The following WWOX variants were observed in gnomAD, a reference collection of about 807,000 sequenced individuals.
WWOX encodes the protein WW domain-containing oxidoreductase.
Under a neutral mutation model 46.2 loss-of-function variants are expected in WWOX, and 69 were observed. That is an observed-to-expected ratio of 1.49 (90% CI 1.23 to 1.82). The LOEUF is 1.82. Among genes scored for constraint, WWOX ranks in the 40% most tolerant of loss-of-function variants. WWOX has a pLI of 0.00. For missense variants in WWOX, 919 were observed against 542.6 expected, an observed-to-expected ratio of 1.69 and a Z score of -6.89; for synonymous variants, 359 against 202.6, an observed-to-expected ratio of 1.77 and a Z score of -6.56.
At chr16:78,739,237 G>A (rs1266882235) in intron 8 of WWOX, among the ~76,000 whole-genome samples, 4 of 152,140 alleles carry the variant, frequency 2.6e-5, no homozygotes, top group Non-Finnish European at 5.9e-5. Flanking sequence ...GTGTGATCCT[G>A]GAGGCCATGT....
chr16:78,364,046 C>T (rs376117714), intron 5 of WWOX, among the ~76,000 whole-genome samples: 15 of 152,252 alleles, frequency 9.9e-5, no homozygotes, highest in Middle Eastern at 3.4e-3. Context: ...GTGCCACATC[C>T]CCCCACTCAG....
At chr16:78,511,363 A>G (rs1383963727) in intron 8 of WWOX, among the ~76,000 whole-genome samples, 1 of 152,168 alleles carries the variant, frequency 6.6e-6, no homozygotes, top group Admixed American at 6.5e-5. Context: ...ATATTTTGAG[A>G]ACTCTGAAAT....
intron 5 of WWOX, among the ~76,000 whole-genome samples, chr16:78,178,958 T>C (rs983801212): frequency 2.0e-5 from 3 of 152,062 alleles, no homozygotes; most frequent in Non-Finnish European, 4.4e-5. Context: ...CGAGAGCTGG[T>C]CAAATGTTTA....
At chr16:78,786,012 T>A (rs2050447199) in intron 8 of WWOX, among the ~76,000 whole-genome samples, 1 of 152,332 alleles carries the variant, frequency 6.6e-6, no homozygotes, top group Middle Eastern at 3.4e-3. Context: ...GTTCAAGCGA[T>A]TCTCATGGCT....
At chr16:79,200,131 C>T (rs573675101) in intron 8 of WWOX, among the ~76,000 whole-genome samples, 12 of 152,278 alleles carry the variant, frequency 7.9e-5, no homozygotes, top group African/African-American at 2.9e-4. Context: ...GCAGGGGAGG[C>T]ACCATAGACC....
At chr16:78,200,859 C>G (rs559545150) in intron 5 of WWOX, among the ~76,000 whole-genome samples, 28 of 152,260 alleles carry the variant, frequency 1.8e-4, no homozygotes, top group Middle Eastern at 3.4e-3. Flanking sequence ...CTCCCAAATT[C>G]TATTCATGCA....
chr16:78,451,199 C>T (rs533466910), intron 8 of WWOX, among the ~76,000 whole-genome samples: 59 of 152,264 alleles, frequency 3.9e-4, no homozygotes, highest in African/African-American at 1.3e-3. Context: ...ATTAAACTCA[C>T]CTTTGGCAAG....
chr16:78,857,129 G>A (rs973154976), intron 8 of WWOX, among the ~76,000 whole-genome samples: 1 of 152,218 alleles, frequency 6.6e-6, no homozygotes, highest in Non-Finnish European at 1.5e-5. Flanking sequence ...GTGTGTGATA[G>A]TGCTTAAATA....
chr16:78,234,123 T>A (rs1479309539), intron 5 of WWOX, among the ~76,000 whole-genome samples: 44 of 151,684 alleles, frequency 2.9e-4, no homozygotes, highest in African/African-American at 8.7e-4. Context: ...TCATATTCTT[T>A]TTTTTTTTTG....
At position 79,186,881 on chromosome 16, in the gene WWOX, T is replaced by G. The variant is rs186255748; in HGVS notation, c.1057-24727T>G. Reference sequence around the variant, plus strand: ...TCCCCCAGCCAGTTTTTCAACATATTGGTTTTTCACCACATGCTCACTGCA... The same window carrying G: ...TCCCCCAGCCAGTTTTTCAACATATGGGTTTTTCACCACATGCTCACTGCA... On this transcript the variant is annotated intron_variant, in intron 8 of 8. Transcript: ENST00000566780. Among the ~76,000 whole-genome samples, 8 of 152,288 alleles carry G rather than the reference T, an allele frequency of 5.3e-5. No individual in the cohort carries two copies. In the East Asian group the frequency reaches 1.5e-3, roughly 29 times the overall value.
At chr16:79,208,136 G>C (rs188444680) in intron 8 of WWOX, among the ~76,000 whole-genome samples, 2 of 152,146 alleles carry the variant, frequency 1.3e-5, no homozygotes, top group African/African-American at 4.8e-5. Flanking sequence ...AGAGTCCTGG[G>C]TAATTTTACA....
intron 8 of WWOX, among the ~76,000 whole-genome samples, chr16:78,715,270 A>G (rs1168410116): frequency 6.6e-6 from 1 of 152,196 alleles, no homozygotes; most frequent in African/African-American, 2.4e-5. Flanking sequence ...TTCTTGCTGA[A>G]TAAGAAGCTG....
intron 8 of WWOX, among the ~76,000 whole-genome samples, chr16:78,533,902 T>C (rs990112966): frequency 2.6e-5 from 4 of 152,196 alleles, no homozygotes; most frequent in African/African-American, 9.7e-5. Flanking sequence ...TGTGTCCATC[T>C]TGTTAACAGT....
At chr16:78,551,225 C>G (rs1212636090) in intron 8 of WWOX, 3 of 151,974 alleles carry the variant, frequency 2.0e-5, no homozygotes, top group Non-Finnish European at 4.4e-5. Context: ...GAAATCATAC[C>G]ACTGATTTTT....
intron 8 of WWOX, among the ~76,000 whole-genome samples, chr16:78,797,736 C>G (rs1476109713): frequency 6.6e-6 from 1 of 152,162 alleles, no homozygotes; most frequent in Non-Finnish European, 1.5e-5. Flanking sequence ...GCCTGTAATC[C>G]CAGCACTTTG....
chr16:78,934,138 A>G (rs1198555920), intron 8 of WWOX, among the ~76,000 whole-genome samples: 1 of 151,914 alleles, frequency 6.6e-6, no homozygotes, highest in Non-Finnish European at 1.5e-5. Flanking sequence ...GATGGAGACC[A>G]TCCTGGCTAA....
chr16:78,427,174 A>T (rs932045104), intron 7 of WWOX, among the ~76,000 whole-genome samples: 5 of 152,124 alleles, frequency 3.3e-5, no homozygotes, highest in Non-Finnish European at 7.3e-5. Flanking sequence ...TACCTCCATC[A>T]ACCTTGGCAG....
intron 8 of WWOX, among the ~76,000 whole-genome samples, chr16:78,485,121 G>C (rs768266479): frequency 6.6e-6 from 1 of 151,080 alleles, no homozygotes; most frequent in South Asian, 2.1e-4. Context: ...CTGACTACAG[G>C]GTTTAGGTTT....
chr16:78,226,245 A>G (rs996514552), intron 5 of WWOX, among the ~76,000 whole-genome samples: 2 of 152,148 alleles, frequency 1.3e-5, no homozygotes, highest in East Asian at 1.9e-4. Context: ...TTCAGCTTGC[A>G]GATTGCACCA....
Sources: allele counts gnomAD v4.1 joint callset (sites outside exome capture counted in the v4.1 genomes callset), GRCh38; gene constraint gnomAD v4.1.1; transcripts MANE v1.5; gene names NCBI Gene and HGNC (gene_info 2026-07-23, HGNC 2026-07-21).